PTPRT: variants seen among roughly 807,000 people sequenced by gnomAD.
The protein encoded by PTPRT is protein tyrosine phosphatase receptor type T, also known as receptor-type tyrosine-protein phosphatase T.
In PTPRT, 56 loss-of-function variants were observed where a neutral mutation model predicts 176.8. That is an observed-to-expected ratio of 0.32 (90% CI 0.26 to 0.40). The LOEUF (loss-of-function observed/expected upper bound fraction) is 0.40, where lower values mean the gene tolerates loss of function less well. Ranked by LOEUF, PTPRT falls within the 10% of genes least tolerant of loss-of-function variation. PTPRT has a pLI of 1.00. For synonymous variants in PTPRT, 783 were observed against 739.0 expected (o/e 1.06, Z -0.96); for missense variants, 1,540 against 1,908.2 (o/e 0.81, Z 3.60).
chr20:42,852,731 CT>C (rs1284496024), intron 2 of PTPRT, among the ~76,000 whole-genome samples: 1 of 152,186 alleles, frequency 6.6e-6, no homozygotes, highest in East Asian at 1.9e-4. Flanking sequence ...CACAAACCCT[CT>C]CATCTGACCT....
chr20:42,761,398 C>T (rs2076913550), intron 5 of PTPRT, among the ~76,000 whole-genome samples: 2 of 151,454 alleles, frequency 1.3e-5, no homozygotes, highest in South Asian at 4.2e-4. Context: ...CGTGCCACTG[C>T]ACTCCAGCCT....
At chr20:42,864,408 G>A (rs1464609225) in intron 2 of PTPRT, among the ~76,000 whole-genome samples, 1 of 152,174 alleles carries the variant, frequency 6.6e-6, no homozygotes, top group Non-Finnish European at 1.5e-5. Context: ...CAGTACACAG[G>A]TTACCAAGGC....
intron 13 of PTPRT, among the ~76,000 whole-genome samples, chr20:42,267,269 G>C (rs2056855196): frequency 6.6e-6 from 1 of 152,184 alleles, no homozygotes; most frequent in African/African-American, 2.4e-5. Flanking sequence ...TAAGTGTTTT[G>C]AGCATGGCAC....
At chr20:42,541,989 T>A (rs1459040153) in intron 7 of PTPRT, among the ~76,000 whole-genome samples, 1 of 152,120 alleles carries the variant, frequency 6.6e-6, no homozygotes, top group Non-Finnish European at 1.5e-5. Flanking sequence ...AAAAATTGAA[T>A]CATGGGGGTA....
At chr20:43,180,461 T>TAC (rs1015743330) in intron 1 of PTPRT, among the ~76,000 whole-genome samples, 21 of 149,802 alleles carry the variant, frequency 1.4e-4, no homozygotes, top group Middle Eastern at 3.4e-3. Flanking sequence ...TATATATATA[T>TAC]ACACCCACAT....
chr20:42,677,233 C>G (rs1415293364), intron 7 of PTPRT, among the ~76,000 whole-genome samples: 1 of 152,068 alleles, frequency 6.6e-6, no homozygotes, highest in East Asian at 1.9e-4. Context: ...CAGGAGCCAT[C>G]AAGAAAATTT....
chr20:42,620,816 A>G (rs1443731266), intron 7 of PTPRT, among the ~76,000 whole-genome samples: 1 of 152,066 alleles, frequency 6.6e-6, no homozygotes, highest in Non-Finnish European at 1.5e-5. Flanking sequence ...CGGTGCGCGC[A>G]CCCACTGGCC....
At chr20:42,677,588 A>C (rs564775125) in intron 7 of PTPRT, among the ~76,000 whole-genome samples, 80 of 152,178 alleles carry the variant, frequency 5.3e-4, no homozygotes, top group African/African-American at 1.9e-3. Flanking sequence ...ACACTATTAG[A>C]TCCAGGAACC....
chr20:42,619,180 A>G (rs200348198), intron 7 of PTPRT, among the ~76,000 whole-genome samples: 1 of 149,846 alleles, frequency 6.7e-6, no homozygotes, highest in African/African-American at 2.5e-5. Flanking sequence ...TAAAGTATTT[A>G]ATTTCTCCTT....
intron 9 of PTPRT, among the ~76,000 whole-genome samples, chr20:42,354,772 G>A (rs2058334882): frequency 6.6e-6 from 1 of 152,226 alleles, no homozygotes. Context: ...GCAATTTGCT[G>A]TTACTGGCAA....
chr20:42,222,806 G>A (rs1847757321), intron 15 of PTPRT, among the ~76,000 whole-genome samples: 2 of 152,166 alleles, frequency 1.3e-5, no homozygotes, highest in Non-Finnish European at 2.9e-5. Flanking sequence ...AGCTGCTCTA[G>A]CAGCTCTAGC....
chr20:42,348,749 G>A (rs1249800265), intron 11 of PTPRT, among the ~76,000 whole-genome samples: 3 of 152,096 alleles, frequency 2.0e-5, no homozygotes, highest in Admixed American at 1.3e-4. Context: ...TAATAAACAC[G>A]AATGGCTATG....
At chr20:42,733,292 C>T (rs532967847) in intron 6 of PTPRT, among the ~76,000 whole-genome samples, 211 of 152,246 alleles carry the variant, frequency 1.4e-3, no homozygotes, top group Non-Finnish European at 2.4e-3. Context: ...TCCCTTTAGA[C>T]GAGGGGGGTT....
At chr20:42,097,648 G>A (rs904509115) in intron 27 of PTPRT, among the ~76,000 whole-genome samples, 1 of 152,194 alleles carries the variant, frequency 6.6e-6, no homozygotes, top group African/African-American at 2.4e-5. Flanking sequence ...GCTCAGGTCT[G>A]TTTAAAAAAT....
Position 42,248,673 on chromosome 20 carries a change from C to G in PTPRT, c.2312+14G>C, listed in dbSNP as rs1027618833. On this transcript the variant is annotated intron_variant, in intron 14 of 30. Coordinates refer to ENST00000373187, the MANE Select transcript of PTPRT (RefSeq NM_007050.6). The stretch of plus-strand genomic sequence containing the variant: ...CGGGTCAGCAGAGTCTTGCAGGCAG[C>G]AGCAGAGACTCACCTCCTTTTGATG... The G allele has an allele frequency of 3.1e-6, 5 of 1,613,264 alleles. No individual in the cohort carries two copies. Among genetic ancestry groups the G allele is most frequent in the Non-Finnish European group, 4.2e-6 (5 of 1,179,562 alleles).
intron 6 of PTPRT, among the ~76,000 whole-genome samples, chr20:42,751,376 A>G (rs924989771): frequency 1.3e-5 from 2 of 152,200 alleles, no homozygotes; most frequent in African/African-American, 4.8e-5. Context: ...AGACCCGGGA[A>G]TCAGCTTTCC....
intron 11 of PTPRT, among the ~76,000 whole-genome samples, chr20:42,326,981 G>A (rs1326487279): frequency 6.6e-6 from 1 of 151,038 alleles, no homozygotes; most frequent in Non-Finnish European, 1.5e-5. Context: ...AAGGAATGAG[G>A]CTGAAAAACC....
chr20:42,771,694 GATC>G (rs1185933091), intron 4 of PTPRT, 144 bp from the exon 5 acceptor site: 1 of 659,886 alleles, frequency 1.5e-6, no homozygotes, highest in African/African-American at 1.8e-5. Flanking sequence ...AGATTTCATT[GATC>G]ACTTATTATA....
intron 13 of PTPRT, among the ~76,000 whole-genome samples, chr20:42,266,797 C>T (rs1187311252): frequency 3.9e-5 from 6 of 152,156 alleles, no homozygotes; most frequent in African/African-American, 1.4e-4. Flanking sequence ...AAAGATGACC[C>T]TAGATGTGTT....
Sources: gnomAD v4.1 joint callset for allele counts (sites outside exome capture counted in the v4.1 genomes callset) on GRCh38, gnomAD v4.1.1 for gene constraint, MANE v1.5 for transcripts, NCBI Gene and HGNC (gene_info 2026-07-23, HGNC 2026-07-21) for gene names.